ESRRA: variants seen among roughly 807,000 people sequenced by gnomAD.
The protein encoded by ESRRA is estrogen related receptor alpha, also known as steroid hormone receptor ERR1.
ESRRA carries 7 observed loss-of-function variants against 35.6 expected under a neutral mutation model. The ratio of observed to expected loss-of-function variants is 0.20; its 90% CI spans 0.11 to 0.37. The LOEUF (loss-of-function observed/expected upper bound fraction) is 0.37, where lower values mean the gene tolerates loss of function less well. Ranked by LOEUF, ESRRA falls within the 10% of genes least tolerant of loss-of-function variation. The pLI is 1.00. For synonymous variants in ESRRA, 223 were observed against 246.9 expected (o/e 0.90, Z 0.91); for missense variants, 378 against 561.7 (o/e 0.67, Z 3.31).
chr11:64,312,647 A>T (rs2135256850), intron 2 of ESRRA, among the ~76,000 whole-genome samples: 1 of 152,174 alleles, frequency 6.6e-6, no homozygotes, highest in East Asian at 1.9e-4. Flanking sequence ...GCTGCCACTG[A>T]AGGGGGAGGC....
chr11:64,316,142 G>A lies in ESRRA; in HGVS notation c.*176G>A. ...CCCTCTCCTCCCCCTCCTAGGGGGT[G>A]TCAGAAGCTGGGAACGTGTGTCCAG... On this transcript the variant is annotated 3_prime_UTR_variant, in exon 7 of 7. Coordinates refer to ENST00000000442, the MANE Select transcript of ESRRA (RefSeq NM_004451.5). 4.2e-6 allele frequency: 3 copies of A among 719,222 alleles called. No individual in the cohort carries two copies. Among genetic ancestry groups the A allele is most frequent in the Non-Finnish European group, 4.5e-6 (2 of 444,664 alleles). The allele number at this position is 719,222 out of a possible 1,614,324, so 44.6% of individuals were successfully genotyped here.
At chr11:64,311,308 T>C (rs1193691762) in intron 2 of ESRRA, among the ~76,000 whole-genome samples, 1 of 152,150 alleles carries the variant, frequency 6.6e-6, no homozygotes, top group African/African-American at 2.4e-5. Context: ...GTTTACATCC[T>C]GGCAGAGGGG....
At chr11:64,314,701 G>T in intron 4 of ESRRA, 40 bp from the exon 5 acceptor site, 1 of 1,581,854 alleles carries the variant, frequency 6.3e-7, no homozygotes. Flanking sequence ...AGGCCTGACA[G>T]ATTCGAGTGC....
Position 64,307,302 on chromosome 11 carries a change from A to C in ESRRA, c.123A>C (p.Pro41=). 2 of 1,613,292 alleles carry C rather than the reference A, an allele frequency of 1.2e-6. No individual in the cohort carries two copies. Among genetic ancestry groups the C allele is most frequent in the Non-Finnish European group, 1.7e-6 (2 of 1,179,856 alleles). Residue 41 remains proline, a synonymous_variant, in exon 2 of 7, where the codon CCA becomes CCC. Transcript: ENST00000000442. ...TEPPVALAPG[P]APTRCLPGHK... ...CTCCTGTGGCCCTGGCCCCTGGTCC[A>C]GCTCCCACTCGCTGCCTCCCAGGCC...
At position 64,314,850 on chromosome 11, in the gene ESRRA, CCT is replaced by C; in HGVS notation, c.684_685del (p.Cys229Ter). 2.5e-6 allele frequency: 4 copies of C among 1,612,468 alleles called. No homozygotes were observed. Among genetic ancestry groups the C allele is most frequent in the Non-Finnish European group, 3.4e-6 (4 of 1,180,034 alleles). ...ATGGGCACCTCCCAGCCGTGGCTAC[CCT>C]CTGTGACCTCTTTGACCGAGAGATT... ...PDGHLPAVAT[L>X]CDLFDREIVV... On this transcript the variant is annotated frameshift_variant, in exon 5 of 7. Coordinates refer to ENST00000000442, the MANE Select transcript of ESRRA (RefSeq NM_004451.5). LOFTEE classifies it high-confidence loss of function.
At chr11:64,309,286 A>G in intron 2 of ESRRA, among the ~76,000 whole-genome samples, 1 of 151,266 alleles carries the variant, frequency 6.6e-6, no homozygotes, top group East Asian at 2.0e-4. Flanking sequence ...TACAAAAATT[A>G]GCCGGGCGTG....
chr11:64,313,275 A>C lies in ESRRA; in HGVS notation c.326-676A>C, dbSNP rs541237487. Among the ~76,000 whole-genome samples, 386 of 152,298 alleles carry C rather than the reference A, an allele frequency of 2.5e-3. 1 individual carries two copies. Among genetic ancestry groups the C allele is most frequent in the Non-Finnish European group, 4.9e-3 (330 of 68,036 alleles). On this transcript the variant is annotated intron_variant, in intron 2 of 6. Coordinates refer to ENST00000000442, the MANE Select transcript of ESRRA (RefSeq NM_004451.5). The surrounding 1 kb of genome is among the most constrained non-coding windows in gnomAD (Gnocchi z 4.0). The stretch of plus-strand genomic sequence containing the variant: ...TCTTCTTGGGCAAGTGAACACGTGG[A>C]GTCCACGTAGGCTGTGTTCGGTCCG...
At chr11:64,308,760 G>C (rs1249976123) in intron 2 of ESRRA, among the ~76,000 whole-genome samples, 1 of 149,092 alleles carries the variant, frequency 6.7e-6, no homozygotes. Context: ...AGGTTGCAGT[G>C]AGCCAAGATC....
intron 2 of ESRRA, among the ~76,000 whole-genome samples, chr11:64,312,658 G>A (rs1490674419): frequency 1.3e-5 from 2 of 152,194 alleles, no homozygotes; most frequent in African/African-American, 4.8e-5. Context: ...AGGGGGAGGC[G>A]TAATAAACAA....
At position 64,315,059 on chromosome 11, in the gene ESRRA, G is replaced by A. The variant is rs2035218122; in HGVS notation, c.801G>A (p.Glu267=). 6.2e-7 allele frequency: 1 copy of A among 1,610,142 alleles called. No homozygotes were observed. The highest frequency in any genetic ancestry group is 8.5e-7 in the Non-Finnish European group (1 of 1,179,346). Residue 267 remains glutamate, a synonymous_variant, in exon 6 of 7, where the codon GAG becomes GAA. Coordinates refer to ENST00000000442, the MANE Select transcript of ESRRA (RefSeq NM_004451.5). The part of the protein sequence containing the change: ...QMSVLQSVWM[E]VLVLGVAQRS... Reference sequence around the variant, plus strand: ...CAGTACTGCAGAGCGTGTGGATGGAGGTGCTGGTGCTGGGTGTGGCCCAGC... The same window carrying A: ...CAGTACTGCAGAGCGTGTGGATGGAAGTGCTGGTGCTGGGTGTGGCCCAGC...
At chr11:64,308,066 A>G (rs1186054738) in intron 2 of ESRRA, among the ~76,000 whole-genome samples, 1 of 151,906 alleles carries the variant, frequency 6.6e-6, no homozygotes, top group Non-Finnish European at 1.5e-5. Flanking sequence ...TAATTTTTGT[A>G]TTTTTAGTAG....
chr11:64,311,289 C>T (rs2035134219), intron 2 of ESRRA, among the ~76,000 whole-genome samples: 1 of 152,210 alleles, frequency 6.6e-6, no homozygotes, highest in Non-Finnish European at 1.5e-5. Context: ...CTGTTTCTGC[C>T]CTCAGGCAGT....
rs1275554689 is a variant in ESRRA, at chr11:64,313,101, G to GCGAGGTGA, written c.326-848_326-841dup. On this transcript the variant is annotated intron_variant, in intron 2 of 6. Transcript: ENST00000000442. The surrounding 1 kb of genome is among the most constrained non-coding windows in gnomAD (Gnocchi z 4.0). ...GCAAGCAGGGACAGCCAAGCGAGGG[G>GCGAGGTGA]CGAGGTGACAGTGACTATCAGGTCA... Among the ~76,000 whole-genome samples, 7 of 152,138 alleles carry GCGAGGTGA rather than the reference G, an allele frequency of 4.6e-5. No homozygotes were observed. Among genetic ancestry groups the GCGAGGTGA allele is most frequent in the Non-Finnish European group, 1.0e-4 (7 of 68,030 alleles).
rs565116639 is a variant in ESRRA, at chr11:64,314,290, C to T, written c.494C>T (p.Pro165Leu). The T allele has an allele frequency of 1.3e-4, 215 of 1,611,644 alleles. 1 individual carries two copies. In the South Asian group the frequency reaches 1.7e-3, roughly 13 times the overall value. The change falls in exon 4 of 7, where the codon CCG (proline) becomes CTG (leucine). Residue 165 changes from proline (P) to leucine (L), a missense_variant. Physicochemically the swap from Pro to Leu is moderately conservative, Grantham distance 98 (BLOSUM62 -3). Coordinates refer to ENST00000000442, the MANE Select transcript of ESRRA (RefSeq NM_004451.5). ...GGGCGGCAGAAGTACAAGCGGCGGC[C>T]GGAGGTGGACCCACTGCCCTTCCCG... ...RGGRQKYKRR[P>L]EVDPLPFPGP...
intron 2 of ESRRA, among the ~76,000 whole-genome samples, chr11:64,308,080 C>T (rs1041612302): frequency 2.0e-4 from 30 of 151,978 alleles, no homozygotes; most frequent in Non-Finnish European, 3.8e-4. Context: ...TTAGTAGAGA[C>T]GACGTTTCAC....
rs1591244232 is a variant in ESRRA at position 64,313,846 on chromosome 11, A to C, written c.326-105A>C. ...CCCCTGCTCTCCCTTTCCTCCCCAT[A>C]CCCCCAGACCTGTGCTTGCCCGGGG... On this transcript the variant is annotated intron_variant, in intron 2 of 6. Coordinates refer to ENST00000000442, the MANE Select transcript of ESRRA (RefSeq NM_004451.5). The surrounding 1 kb of genome is among the most constrained non-coding windows in gnomAD (Gnocchi z 4.0). 2 of 696,586 alleles carry C rather than the reference A, an allele frequency of 2.9e-6. No individual in the cohort carries two copies. Among genetic ancestry groups the C allele is most frequent in the Non-Finnish European group, 4.7e-6 (2 of 425,586 alleles). The allele number at this position is 696,586 out of a possible 1,614,324, so 43.2% of individuals were successfully genotyped here. A position where few individuals can be genotyped will look rare whatever the true frequency, so the allele number is the denominator to read the frequency against.
At chr11:64,315,571 G>A in intron 6 of ESRRA, 136 bp from the exon 7 acceptor site, 1 of 1,265,050 alleles carries the variant, frequency 7.9e-7, no homozygotes, top group African/African-American at 1.5e-5. Context: ...GCAGCAATGA[G>A]TGGTGCCTCT....
chr11:64,314,120 C>A (rs2035192477), intron 3 of ESRRA, 53 bp downstream of exon 3: 3 of 1,551,864 alleles, frequency 1.9e-6, no homozygotes, highest in Non-Finnish European at 2.6e-6. Flanking sequence ...GGACCCGGGC[C>A]AGGTGGGGGT....
At chr11:64,314,600 G>A (rs140480215) in intron 4 of ESRRA, 141 bp from the exon 5 acceptor site, 1 of 953,038 alleles carries the variant, frequency 1.0e-6, no homozygotes, top group Non-Finnish European at 1.5e-6. Context: ...CTGGGAGACA[G>A]TTAGCGCTCT....
Sources: allele counts gnomAD v4.1 joint callset (sites outside exome capture counted in the v4.1 genomes callset), GRCh38; gene constraint gnomAD v4.1.1; non-coding constraint Gnocchi (gnomAD v3.1); transcripts MANE v1.5; gene names NCBI Gene and HGNC (gene_info 2026-07-23, HGNC 2026-07-21).